Variants in CAMSAP1 observed in about 807,000 individuals in gnomAD.
The protein encoded by CAMSAP1 is calmodulin-regulated spectrin-associated protein 1.
Under a neutral mutation model 143.5 loss-of-function variants are expected in CAMSAP1, and 58 were observed. The observed-to-expected ratio is 0.40, with a 90% CI of 0.33 to 0.50. The LOEUF is 0.50. CAMSAP1 is among the 20% of genes least tolerant of loss of function. The pLI, the probability that CAMSAP1 is intolerant of heterozygous loss-of-function variation, is 0.45. For synonymous variants in CAMSAP1, 945 were observed against 859.3 expected (o/e 1.10, Z -1.74); for missense variants, 1,969 against 2,115.7 (o/e 0.93, Z 1.36).
intron 4 of CAMSAP1, among the ~76,000 whole-genome samples, chr9:135,863,739 C>T (rs1028993302): frequency 3.9e-5 from 6 of 152,096 alleles, no homozygotes; most frequent in Non-Finnish European, 8.8e-5. Flanking sequence ...ACTTGTTTCT[C>T]GGGAGCCCAC....
chr9:135,863,518 T>C (rs1837271030), intron 4 of CAMSAP1, among the ~76,000 whole-genome samples: 1 of 152,190 alleles, frequency 6.6e-6, no homozygotes, highest in Admixed American at 6.5e-5. Flanking sequence ...CAATCTACAA[T>C]AAAAAATGAC....
chr9:135,877,507 A>C (rs889685397), intron 3 of CAMSAP1, among the ~76,000 whole-genome samples: 1 of 151,948 alleles, frequency 6.6e-6, no homozygotes, highest in African/African-American at 2.4e-5. Flanking sequence ...AAAAAAAAAA[A>C]AAAAAAGAAA....
rs1331494774 is a variant in CAMSAP1 at position 135,862,565 on chromosome 9, T to C, written c.710A>G (p.Tyr237Cys). Reference sequence around the variant, plus strand: ...CATCAAATCCTCCAACAACGGGAAGTAGGGTGACTGCCTAGCAGAAAGGTG... The same window carrying C: ...CATCAAATCCTCCAACAACGGGAAGCAGGGTGACTGCCTAGCAGAAAGGTG... The part of the protein sequence containing the change: ...REHLSARQSP[Y>C]FPLLEDLMRD... The change falls in exon 5 of 17, where the codon TAC becomes TGC. Residue 237 changes from tyrosine to cysteine, a missense_variant. Tyr to Cys is a radical substitution (Grantham distance 194, BLOSUM62 -2). This residue lies in a region of CAMSAP1 where 221 missense variants were observed against 298.2 expected (regional missense o/e 0.74). Coordinates refer to ENST00000389532, the MANE Select transcript of CAMSAP1 (RefSeq NM_015447.4). 1.9e-6 allele frequency: 3 copies of C among 1,551,678 alleles called. No individual in the cohort carries two copies. Among genetic ancestry groups the C allele is most frequent in the Non-Finnish European group, 8.7e-7 (1 of 1,146,990 alleles).
At chr9:135,867,209 T>C (rs752691018) in intron 3 of CAMSAP1, among the ~76,000 whole-genome samples, 13 of 151,970 alleles carry the variant, frequency 8.6e-5, no homozygotes, top group Admixed American at 3.3e-4. Flanking sequence ...GAGTCCACCA[T>C]GCACATCAAA....
chr9:135,879,466 A>C (rs988341235), intron 3 of CAMSAP1, among the ~76,000 whole-genome samples: 2 of 152,168 alleles, frequency 1.3e-5, no homozygotes, highest in African/African-American at 4.8e-5. Context: ...AGTAAGGGAC[A>C]GATGCTCTTA....
Position 135,822,064 on chromosome 9 carries a change from T to G in CAMSAP1, c.2597A>C (p.His866Pro). ...CAGGAGGCTGGCGGGATCCTTGCCA[T>G]GCTGGCTCGGACTCTGCTCCCTCTT... is the stretch of plus-strand genomic sequence containing the variant. ...RQKREQSPSQ[H>P]GKDPASLLAS... The change falls in exon 11 of 17, where the codon CAT becomes CCT. Residue 866 changes from histidine (H) to proline (P), a missense_variant. Around this residue, in one of 4 missense-constraint regions of CAMSAP1, gnomAD observed 1,390 missense variants for 1,420.8 expected, o/e 0.98. Transcript: ENST00000389532. The surrounding 1 kb of genome is among the most constrained non-coding windows in gnomAD (Gnocchi z 6.1). 6.2e-7 allele frequency: 1 copy of G among 1,612,386 alleles called. No homozygotes were observed. The highest frequency in any genetic ancestry group is 1.1e-5 in the South Asian group (1 of 91,070).
chr9:135,878,915 T>C (rs1004603839), intron 3 of CAMSAP1, among the ~76,000 whole-genome samples: 2 of 151,742 alleles, frequency 1.3e-5, no homozygotes, highest in African/African-American at 2.4e-5. Context: ...CAAATGTAAA[T>C]AATGCATGAG....
chr9:135,813,445 T>C (rs942161112), intron 16 of CAMSAP1, among the ~76,000 whole-genome samples: 1 of 152,268 alleles, frequency 6.6e-6, no homozygotes, highest in Admixed American at 6.5e-5. Context: ...TATATAATAC[T>C]GATTTCAACC....
At chr9:135,825,832 G>A (rs1429606342) in intron 8 of CAMSAP1, among the ~76,000 whole-genome samples, 2 of 152,168 alleles carry the variant, frequency 1.3e-5, no homozygotes, top group Admixed American at 6.5e-5. Context: ...AGGCAAAGAC[G>A]GGCAGAGGAC....
chr9:135,813,190 T>A (rs1174922821), intron 16 of CAMSAP1, among the ~76,000 whole-genome samples: 1 of 152,158 alleles, frequency 6.6e-6, no homozygotes, highest in Non-Finnish European at 1.5e-5. Context: ...GCCCTCGACC[T>A]CGAAAGGCTA....
chr9:135,858,451 CCT>C (rs1837056191), intron 5 of CAMSAP1, among the ~76,000 whole-genome samples: 1 of 152,142 alleles, frequency 6.6e-6, no homozygotes, highest in Admixed American at 6.5e-5. Flanking sequence ...AAACCCTGCC[CCT>C]GTTGAGCTCA....
chr9:135,896,243 T>TA (rs937655611), intron 1 of CAMSAP1, among the ~76,000 whole-genome samples: 2 of 152,004 alleles, frequency 1.3e-5, no homozygotes, highest in Admixed American at 6.6e-5. Context: ...AACACTTTTT[T>TA]AAAAAAAGCA....
chr9:135,815,791 A>C (rs1173994073), intron 15 of CAMSAP1, 99 bp downstream of exon 15: 1 of 995,442 alleles, frequency 1.0e-6, no homozygotes, highest in Non-Finnish European at 1.5e-6. Flanking sequence ...TGTTAGAAAA[A>C]TACTTTTTAG....
intron 1 of CAMSAP1, among the ~76,000 whole-genome samples, chr9:135,889,271 C>G (rs540725564): frequency 4.6e-5 from 7 of 152,170 alleles, no homozygotes; most frequent in Non-Finnish European, 7.4e-5. Context: ...CTAGAACAAA[C>G]CAAAACCAAC....
intron 3 of CAMSAP1, among the ~76,000 whole-genome samples, chr9:135,874,321 T>A (rs1837661419): frequency 6.6e-6 from 1 of 151,982 alleles, no homozygotes; most frequent in Non-Finnish European, 1.5e-5. Flanking sequence ...AATTTTTTTT[T>A]AATTAGCCAG....
Position 135,820,994 on chromosome 9 carries a change from C to T in CAMSAP1, c.3667G>A (p.Val1223Met), listed in dbSNP as rs920214173. The T allele has an allele frequency of 1.7e-5, 28 of 1,612,522 alleles. No homozygotes were observed. Among genetic ancestry groups the T allele is most frequent in the African/African-American group, 5.3e-5 (4 of 74,888 alleles). ...GCCCTGCTCCTCAGAGGCTCCTCCACGGGGACGCTCTCTTTTCCCGAGACA... is the reference window on the plus strand; with the variant it reads ...GCCCTGCTCCTCAGAGGCTCCTCCATGGGGACGCTCTCTTTTCCCGAGACA... ...SDVSGKESVP[V>M]EEPLRSRASL... The change falls in exon 11 of 17, where the codon GTG becomes ATG. Residue 1223 changes from valine (V) to methionine (M), a missense_variant. Physicochemically the swap from Val to Met is conservative, Grantham distance 21. This residue lies in a region of CAMSAP1 where 1,390 missense variants were observed against 1,420.8 expected (regional missense o/e 0.98). Transcript: ENST00000389532. The surrounding 1 kb of genome is among the most constrained non-coding windows in gnomAD (Gnocchi z 4.4).
chr9:135,877,674 C>T (rs1045500638), intron 3 of CAMSAP1, among the ~76,000 whole-genome samples: 6 of 151,834 alleles, frequency 4.0e-5, no homozygotes, highest in African/African-American at 1.5e-4. Context: ...CAGCCAGGCA[C>T]GGTGGTGCAT....
Position 135,821,125 on chromosome 9 carries a change from G to T in CAMSAP1, c.3536C>A (p.Thr1179Lys). The T allele has an allele frequency of 6.2e-7, 1 of 1,613,452 alleles. No individual in the cohort carries two copies. Residue 1179 changes from threonine to lysine, a missense_variant, in exon 11 of 17, where the codon ACA (threonine) becomes AAA (lysine). Transcript: ENST00000389532. The surrounding 1 kb of genome is among the most constrained non-coding windows in gnomAD (Gnocchi z 4.6). ...YRLHDESNQR[T>K]LTLSSSKDAN... is the part of the protein sequence containing the mutation. ...ATCTTTGGAAGAGGACAGAGTAAGT[G>T]TCCGCTGATTGCTTTCATCATGGAG...
At position 135,822,718 on chromosome 9, in the gene CAMSAP1, C is replaced by T. The variant is rs1246186668; in HGVS notation, c.1943G>A (p.Arg648Lys). 1 of 1,612,244 alleles carries T rather than the reference C, an allele frequency of 6.2e-7. No homozygotes were observed. Among genetic ancestry groups the T allele is most frequent in the South Asian group, 1.1e-5 (1 of 90,972 alleles). ...RKMTGSRDLN[R>K]TFTPIPCSEF... The stretch of plus-strand genomic sequence containing the variant: ...TGAGCATGGAATCGGGGTAAAAGTC[C>T]TATTCAAGTCGCGACTGCCAGTCAT... Residue 648 changes from arginine (R) to lysine (K), a missense_variant, in exon 11 of 17, where the codon AGG becomes AAG. Arg to Lys is a conservative substitution (Grantham distance 26). Around this residue, in one of 4 missense-constraint regions of CAMSAP1, gnomAD observed 1,390 missense variants for 1,420.8 expected, o/e 0.98. Transcript: ENST00000389532. This position sits in a 1 kb window ranked among gnomAD's most constrained non-coding sequence, Gnocchi z 6.1.
Sources: allele counts gnomAD v4.1 joint callset (sites outside exome capture counted in the v4.1 genomes callset), GRCh38; gene constraint gnomAD v4.1.1; regional missense constraint gnomAD v4.1.1; non-coding constraint Gnocchi (gnomAD v3.1); transcripts MANE v1.5; gene names NCBI Gene and HGNC (gene_info 2026-07-23, HGNC 2026-07-21).